The following KCNJ1 variants were observed in gnomAD, a reference collection of about 807,000 sequenced individuals.
KCNJ1 encodes ATP-sensitive inward rectifier potassium channel 1.
KCNJ1 carries 24 observed loss-of-function variants against 21.9 expected under a neutral mutation model. The ratio of observed to expected loss-of-function variants is 1.10; its 90% CI spans 0.79 to 1.54. The LOEUF is 1.54. KCNJ1 is among the 40% of genes most tolerant of loss of function. The pLI, the probability that KCNJ1 is intolerant of heterozygous loss-of-function variation, is 0.00. For missense variants in KCNJ1, 457 were observed against 455.4 expected (o/e 1.00, Z -0.03); for synonymous variants, 152 against 160.9 (o/e 0.94, Z 0.42).
chr11:128,863,911 A>G (rs921558706), intron 1 of KCNJ1, among the ~76,000 whole-genome samples: 3 of 152,106 alleles, frequency 2.0e-5, no homozygotes, highest in Admixed American at 6.6e-5. Flanking sequence ...TGACGAGGCA[A>G]TGGCAAGAAA....
At chr11:128,853,565 C>T (rs142773058) in intron 1 of KCNJ1, among the ~76,000 whole-genome samples, 6 of 152,204 alleles carry the variant, frequency 3.9e-5, no homozygotes, top group East Asian at 3.9e-4. Context: ...GAAAATGTTC[C>T]GGTATTGATT....
At chr11:128,842,081 C>T (rs1163545586) in intron 2 of KCNJ1, among the ~76,000 whole-genome samples, 1 of 152,260 alleles carries the variant, frequency 6.6e-6, no homozygotes, top group Non-Finnish European at 1.5e-5. Flanking sequence ...GAGTGACTCT[C>T]AGCTCAAATA....
chr11:128,856,164 C>G (rs192970144), intron 1 of KCNJ1, among the ~76,000 whole-genome samples: 37 of 152,332 alleles, frequency 2.4e-4, no homozygotes, highest in African/African-American at 8.4e-4. Flanking sequence ...AGGGAGAAGA[C>G]TGTTTATCCG....
At position 128,839,009 on chromosome 11, in the gene KCNJ1, T is replaced by C; in HGVS notation, c.*116A>G. On this transcript the variant is annotated 3_prime_UTR_variant, in exon 3 of 3. Transcript: ENST00000392666. ...CGGGGCTCAGGGGTCTTTGTGCTGGTAGACTTTGAAGGCTCTCATCCTACT... is the reference window on the plus strand; with the variant it reads ...CGGGGCTCAGGGGTCTTTGTGCTGGCAGACTTTGAAGGCTCTCATCCTACT... 1 of 882,554 alleles carries C rather than the reference T, an allele frequency of 1.1e-6. No individual in the cohort carries two copies. The highest frequency in any genetic ancestry group is 1.8e-6 in the Non-Finnish European group (1 of 551,738). 54.7% of individuals were successfully genotyped at this position (882,554 alleles called of 1,614,324 possible).
chr11:128,860,299 G>A (rs1169733276), intron 1 of KCNJ1, among the ~76,000 whole-genome samples: 1 of 152,204 alleles, frequency 6.6e-6, no homozygotes, highest in Non-Finnish European at 1.5e-5. Flanking sequence ...AAGAACTGTT[G>A]ACTAGACAGG....
chr11:128,849,671 C>T (rs375500252), intron 2 of KCNJ1, among the ~76,000 whole-genome samples: 3 of 152,288 alleles, frequency 2.0e-5, no homozygotes, highest in East Asian at 3.9e-4. Flanking sequence ...AAGAAGCAGC[C>T]ATGAGAGCAG....
At chr11:128,844,405 G>C (rs578250344) in intron 2 of KCNJ1, among the ~76,000 whole-genome samples, 1 of 152,202 alleles carries the variant, frequency 6.6e-6, no homozygotes, top group African/African-American at 2.4e-5. Flanking sequence ...AGGAGAAACT[G>C]TTATAAAGAA....
At chr11:128,866,685 G>C (rs1943821225) in intron 1 of KCNJ1, 1 of 191,890 alleles carries the variant, frequency 5.2e-6, no homozygotes, top group South Asian at 1.8e-4. Flanking sequence ...AAAGACATTT[G>C]GGTGAAGGTA....
rs1373859667 is a variant in KCNJ1, at chr11:128,838,593, G to A, written c.*532C>T. On this transcript the variant is annotated 3_prime_UTR_variant, in exon 3 of 3. Coordinates refer to ENST00000392666, the MANE Select transcript of KCNJ1 (RefSeq NM_153766.3). ...AAACGTACCACATGAGAAGCTTAGAGCCTCAAATTGTTCTTTGTGTAAGCG... is the reference window on the plus strand; with the variant it reads ...AAACGTACCACATGAGAAGCTTAGAACCTCAAATTGTTCTTTGTGTAAGCG... 1 of 161,518 alleles carries A rather than the reference G, an allele frequency of 6.2e-6. No individual in the cohort carries two copies. Among genetic ancestry groups the A allele is most frequent in the Admixed American group, 6.0e-5 (1 of 16,606 alleles). 10.0% of individuals were successfully genotyped at this position (161,518 alleles called of 1,614,324 possible). A position where few individuals can be genotyped will look rare whatever the true frequency, so the allele number is the denominator to read the frequency against.
chr11:128,839,440 G>T lies in KCNJ1; in HGVS notation c.804C>A (p.Leu268=). ...PFFHMAAETL[L]QQDFELVVFL... ...ACACCACTAATTCAAAGTCCTGCTG[G>T]AGAAGGGTCTCCGCTGCCATGTGGA... Residue 268 remains leucine, a synonymous_variant, in exon 3 of 3, where the codon CTC becomes CTA. Coordinates refer to ENST00000392666, the MANE Select transcript of KCNJ1 (RefSeq NM_153766.3). The T allele has an allele frequency of 1.2e-6, 2 of 1,614,160 alleles. No homozygotes were observed. Among genetic ancestry groups the T allele is most frequent in the South Asian group, 2.2e-5 (2 of 91,082 alleles).
intron 1 of KCNJ1, among the ~76,000 whole-genome samples, chr11:128,857,380 G>T (rs1014275148): frequency 6.6e-6 from 1 of 152,056 alleles, no homozygotes; most frequent in African/African-American, 2.4e-5. Context: ...ACTTATTGTC[G>T]ATCTCCCCTC....
In KCNJ1 at chr11:128,840,004, C is replaced by A. The variant is rs1213764655; in HGVS notation, c.240G>T (p.Trp80Cys). The change falls in exon 3 of 3, where the codon TGG becomes TGT. Residue 80 changes from tryptophan (W) to cysteine (C), a missense_variant. Physicochemically the swap from Trp to Cys is radical, Grantham distance 215. Transcript: ENST00000392666. ...CTTTGTGAATGTACGCTACTGCATA[C>A]CACAGGAGACCAAAGAAAAACCAAC... Reference protein sequence around the residue: ...LGSWFFFGLLWYAVAYIHKDL... With the variant: ...LGSWFFFGLLCYAVAYIHKDL... 4.3e-6 allele frequency: 7 copies of A among 1,613,872 alleles called. No individual in the cohort carries two copies. Among genetic ancestry groups the A allele is most frequent in the Non-Finnish European group, 5.1e-6 (6 of 1,179,974 alleles).
chr11:128,846,476 C>T (rs1200618656), intron 2 of KCNJ1, among the ~76,000 whole-genome samples: 5 of 152,182 alleles, frequency 3.3e-5, no homozygotes, highest in Non-Finnish European at 7.3e-5. Flanking sequence ...TTGGAGACTA[C>T]AGCCAATGGA....
chr11:128,841,106 C>T (rs1943274585), intron 2 of KCNJ1, among the ~76,000 whole-genome samples: 1 of 152,322 alleles, frequency 6.6e-6, no homozygotes, highest in East Asian at 1.9e-4. Flanking sequence ...TAGGGCTTCT[C>T]CATAAATCTA....
At chr11:128,847,669 G>T (rs1254821250) in intron 2 of KCNJ1, among the ~76,000 whole-genome samples, 2 of 152,152 alleles carry the variant, frequency 1.3e-5, no homozygotes, top group African/African-American at 4.8e-5. Flanking sequence ...CACCTTGATT[G>T]GGTCCCAGTG....
chr11:128,862,876 C>T (rs542734668), intron 1 of KCNJ1, among the ~76,000 whole-genome samples: 30 of 152,302 alleles, frequency 2.0e-4, no homozygotes, highest in African/African-American at 7.0e-4. Context: ...AGCATGAGAC[C>T]GGGATTACCC....
At chr11:128,850,474 AAC>A (rs1485482588) in intron 2 of KCNJ1, among the ~76,000 whole-genome samples, 6 of 152,226 alleles carry the variant, frequency 3.9e-5, no homozygotes, top group African/African-American at 1.4e-4. Context: ...CAAGGAAATA[AAC>A]AGATATAGGA....
rs1361146455 is a variant in KCNJ1, at chr11:128,839,477, T to C, written c.767A>G (p.Asn256Ser). 1 of 1,614,212 alleles carries C rather than the reference T, an allele frequency of 6.2e-7. No individual in the cohort carries two copies. Among genetic ancestry groups the C allele is most frequent in the Non-Finnish European group, 8.5e-7 (1 of 1,180,020 alleles). The change falls in exon 3 of 3, where the codon AAC (asparagine) becomes AGC (serine). Residue 256 changes from asparagine to serine, a missense_variant. By Grantham distance (46) the Asn-to-Ser change is conservative. Coordinates refer to ENST00000392666, the MANE Select transcript of KCNJ1 (RefSeq NM_153766.3). ...PLTIYHVIDH[N>S]SPFFHMAAET... ...CGCTGCCATGTGGAAGAAAGGGCTG[T>C]TGTGATCAATGACATGGTAAATTGT...
At chr11:128,841,052 GA>G (rs1312294046) in intron 2 of KCNJ1, among the ~76,000 whole-genome samples, 13 of 152,120 alleles carry the variant, frequency 8.5e-5, no homozygotes, top group African/African-American at 2.9e-4. Flanking sequence ...GTTAAATGCT[GA>G]ACACTATTTA....
Sources: allele counts gnomAD v4.1 joint callset (sites outside exome capture counted in the v4.1 genomes callset), GRCh38; gene constraint gnomAD v4.1.1; transcripts MANE v1.5; gene names NCBI Gene and HGNC (gene_info 2026-07-23, HGNC 2026-07-21).